The following LDB2 variants were observed in gnomAD, a reference collection of about 807,000 sequenced individuals.
LDB2 encodes the protein LIM domain binding 2, also known as LIM domain-binding protein 2.
In LDB2, 12 loss-of-function variants were observed where a neutral mutation model predicts 44.3. The observed-to-expected ratio is 0.27, with a 90% confidence interval of 0.17 to 0.44. The LOEUF (loss-of-function observed/expected upper bound fraction) is 0.44. Ranked by LOEUF, LDB2 falls within the 20% of genes least tolerant of loss-of-function variation. The pLI is 1.00. For missense variants in LDB2, 344 were observed against 473.5 expected (o/e 0.73, Z 2.54); for synonymous variants, 164 against 174.8 (o/e 0.94, Z 0.49).
chr4:16,887,219 T>C (rs1285747107), intron 1 of LDB2, among the ~76,000 whole-genome samples: 1 of 143,316 alleles, frequency 7.0e-6, no homozygotes, highest in African/African-American at 2.7e-5. Flanking sequence ...TGCTAAGACT[T>C]GAAAAAAAAA....
chr4:16,689,384 A>C (rs754732405), intron 2 of LDB2, among the ~76,000 whole-genome samples: 14 of 152,240 alleles, frequency 9.2e-5, no homozygotes, highest in Non-Finnish European at 1.9e-4. Context: ...TACTTCCTCC[A>C]TGAACCCTCC....
intron 2 of LDB2, among the ~76,000 whole-genome samples, chr4:16,684,852 G>A (rs191654603): frequency 6.6e-6 from 1 of 152,154 alleles, no homozygotes. Flanking sequence ...TATAGTAAAT[G>A]TTTTAGGTTT....
intron 2 of LDB2, among the ~76,000 whole-genome samples, chr4:16,614,580 C>CAAAAAAAAAAAAA (rs1164613202): frequency 1.9e-4 from 10 of 53,726 alleles, no homozygotes; most frequent in Admixed American, 4.4e-4. Flanking sequence ...CAAGAAAAAA[C>CAAAAAAAAAAAAA]AAAAAAAAAA....
intron 2 of LDB2, among the ~76,000 whole-genome samples, chr4:16,651,632 G>A (rs1283442822): frequency 6.6e-6 from 1 of 151,714 alleles, no homozygotes; most frequent in South Asian, 2.1e-4. Flanking sequence ...GGAAGCTATA[G>A]AGTTTTACCC....
intron 2 of LDB2, among the ~76,000 whole-genome samples, chr4:16,725,722 T>C (rs958391311): frequency 1.3e-5 from 2 of 152,112 alleles, no homozygotes; most frequent in Admixed American, 1.3e-4. Flanking sequence ...GCCTTCCCTT[T>C]TTCCCACTAT....
At chr4:16,611,512 G>C (rs1474206140) in intron 2 of LDB2, among the ~76,000 whole-genome samples, 1 of 140,190 alleles carries the variant, frequency 7.1e-6, no homozygotes, top group African/African-American at 2.7e-5. Context: ...TGAAGGGAGG[G>C]AGGAAACTTT....
At chr4:16,575,101 G>A (rs965785946) in intron 5 of LDB2, among the ~76,000 whole-genome samples, 18 of 152,058 alleles carry the variant, frequency 1.2e-4, no homozygotes, top group Non-Finnish European at 4.4e-5. Flanking sequence ...TGACTTCCTC[G>A]CTCAACATTA....
Position 16,546,814 on chromosome 4 carries a change from C to T in LDB2, c.616-34710G>A, listed in dbSNP as rs183548823. ...GGTTTCTAGCTCTCTCTTCTCCTGG[C>T]GACCTCCTTCAGCTTCTGATAGCTG... On this transcript the variant is annotated intron_variant, in intron 5 of 7. Coordinates refer to ENST00000304523, the MANE Select transcript of LDB2 (RefSeq NM_001290.5). Among the ~76,000 whole-genome samples, 330 of 152,266 alleles carry T rather than the reference C, an allele frequency of 2.2e-3. 1 individual carries two copies. Among genetic ancestry groups the T allele is most frequent in the African/African-American group, 7.7e-3 (319 of 41,552 alleles).
At chr4:16,887,396 T>C (rs564760292) in intron 1 of LDB2, among the ~76,000 whole-genome samples, 146 of 152,300 alleles carry the variant, frequency 9.6e-4, no homozygotes, top group African/African-American at 3.2e-3. Context: ...TTCATCTAAT[T>C]TGGGACTAGT....
At chr4:16,674,101 G>A (rs1745632549) in intron 2 of LDB2, 1 of 515,722 alleles carries the variant, frequency 1.9e-6, no homozygotes, top group Non-Finnish European at 3.3e-6. Flanking sequence ...GCTGTGCTGG[G>A]GAAGGAAGTT....
chr4:16,573,481 T>A (rs549759698), intron 5 of LDB2, among the ~76,000 whole-genome samples: 116 of 152,374 alleles, frequency 7.6e-4, no homozygotes, highest in African/African-American at 2.5e-3. Flanking sequence ...ACTATCAGTC[T>A]ACCTGACAAT....
rs150050584 is a variant in LDB2, at chr4:16,728,297, G to T, written c.235+30861C>A. On this transcript the variant is annotated intron_variant, in intron 2 of 7. Coordinates refer to ENST00000304523, the MANE Select transcript of LDB2 (RefSeq NM_001290.5). ...AAGAAGATCTCTTAAATGAGGAGCT[G>T]TCCCTCAAGAGGCTCAAAGATGTCA... Among the ~76,000 whole-genome samples, 451 of 152,270 alleles carry T rather than the reference G, an allele frequency of 3.0e-3. 2 individuals are homozygous for T. The highest frequency in any genetic ancestry group is 0.01 in the African/African-American group (419 of 41,560).
chr4:16,565,438 AT>A (rs552027551), intron 5 of LDB2, among the ~76,000 whole-genome samples: 2,895 of 149,566 alleles, frequency 0.019, 65 homozygotes, highest in African/African-American at 0.048. Context: ...TTCGACATCC[AT>A]TTTTTTTTTA....
chr4:16,511,277 G>A (rs76873288), intron 6 of LDB2, among the ~76,000 whole-genome samples: 1,624 of 152,178 alleles, frequency 0.011, 33 homozygotes, highest in African/African-American at 0.037. Context: ...CTCAACACAC[G>A]CCTGGGAGTG....
chr4:16,771,776 A>G (rs779928204), intron 1 of LDB2, among the ~76,000 whole-genome samples: 4 of 152,188 alleles, frequency 2.6e-5, no homozygotes, highest in Non-Finnish European at 4.4e-5. Context: ...TGCCTCCAGT[A>G]ACTTCAGCCT....
intron 2 of LDB2, among the ~76,000 whole-genome samples, chr4:16,615,677 A>T (rs1727096019): frequency 6.6e-6 from 1 of 152,136 alleles, no homozygotes; most frequent in Non-Finnish European, 1.5e-5. Context: ...GCACACATAT[A>T]CCTATGTAAC....
intron 2 of LDB2, among the ~76,000 whole-genome samples, chr4:16,654,334 C>T (rs1283081787): frequency 6.6e-6 from 1 of 151,988 alleles, no homozygotes; most frequent in Non-Finnish European, 1.5e-5. Context: ...AGCTGTGCTA[C>T]CCCATCCGAA....
chr4:16,526,416 G>T lies in LDB2; in HGVS notation c.616-14312C>A, dbSNP rs909863324. ...CCCCCTTGGCTTCCCTGGCTCTGTA[G>T]CTTTGAGACTTGCCATGAGTCACAT... On this transcript the variant is annotated intron_variant, in intron 5 of 7. Coordinates refer to ENST00000304523, the MANE Select transcript of LDB2 (RefSeq NM_001290.5). Among the ~76,000 whole-genome samples the T allele has an allele frequency of 2.0e-5, 3 of 152,316 alleles. No individual in the cohort carries two copies. The South Asian group carries it at 6.2e-4, about 32-fold the overall frequency.
At chr4:16,563,591 G>T (rs1324039399) in intron 5 of LDB2, among the ~76,000 whole-genome samples, 1 of 150,606 alleles carries the variant, frequency 6.6e-6, no homozygotes, top group Non-Finnish European at 1.5e-5. Flanking sequence ...TGGGACTACA[G>T]GTGCCCACCA....
Sources: gnomAD v4.1 joint callset for allele counts (sites outside exome capture counted in the v4.1 genomes callset) on GRCh38, gnomAD v4.1.1 for gene constraint, MANE v1.5 for transcripts, NCBI Gene and HGNC (gene_info 2026-07-23, HGNC 2026-07-21) for gene names.